The following SULF1 variants were observed in gnomAD, a reference collection of about 807,000 sequenced individuals.
The protein encoded by SULF1 is extracellular sulfatase Sulf-1.
In SULF1, 46 loss-of-function variants were observed where a neutral mutation model predicts 110.5. That is an observed-to-expected ratio of 0.42 (90% confidence interval 0.33 to 0.53). The LOEUF is 0.53. Ranked by LOEUF, SULF1 falls within the 20% of genes least tolerant of loss-of-function variation. The pLI, the probability that SULF1 is intolerant of heterozygous loss-of-function variation, is 0.12. For synonymous variants in SULF1, 371 were observed against 387.1 expected (o/e 0.96, Z 0.49); for missense variants, 941 against 1,094.2 (o/e 0.86, Z 1.98).
chr8:69,647,359 A>C (rs980339003), intron 22 of SULF1, among the ~76,000 whole-genome samples: 1 of 152,206 alleles, frequency 6.6e-6, no homozygotes, highest in South Asian at 2.1e-4. Flanking sequence ...ACCAATAAGT[A>C]GATATAATCA....
At chr8:69,584,821 A>G (rs1806329486) in intron 6 of SULF1, among the ~76,000 whole-genome samples, 1 of 152,222 alleles carries the variant, frequency 6.6e-6, no homozygotes, top group Admixed American at 6.5e-5. Context: ...TAGGTCAGGG[A>G]CCATCTGTAG....
At chr8:69,599,198 A>G (rs746454831) in intron 8 of SULF1, among the ~76,000 whole-genome samples, 1 of 152,176 alleles carries the variant, frequency 6.6e-6, no homozygotes, top group Non-Finnish European at 1.5e-5. Flanking sequence ...CCCTAGTTTT[A>G]TAATATAAAT....
intron 6 of SULF1, among the ~76,000 whole-genome samples, chr8:69,583,233 T>C (rs1334248246): frequency 1.3e-5 from 2 of 152,100 alleles, no homozygotes; most frequent in Non-Finnish European, 2.9e-5. Flanking sequence ...AGCTCTATTC[T>C]ATGAAAATGT....
chr8:69,616,242 C>T (rs144256608), intron 13 of SULF1, among the ~76,000 whole-genome samples: 3,037 of 145,548 alleles, frequency 0.021, 140 homozygotes, highest in African/African-American at 0.074. Flanking sequence ...TTTTTTGAGA[C>T]GGAGTCTTGC....
intron 3 of SULF1, among the ~76,000 whole-genome samples, chr8:69,506,528 T>G (rs534426340): frequency 6.6e-6 from 1 of 152,166 alleles, no homozygotes; most frequent in Non-Finnish European, 1.5e-5. Context: ...CAAACTCCAA[T>G]TGGATGAGAA....
intron 5 of SULF1, among the ~76,000 whole-genome samples, chr8:69,569,048 C>A (rs925326564): frequency 1.3e-5 from 2 of 152,124 alleles, no homozygotes; most frequent in Non-Finnish European, 2.9e-5. Flanking sequence ...GGCTCTAAAT[C>A]TTTCCCAAAT....
chr8:69,483,026 T>C (rs953344753), intron 1 of SULF1, among the ~76,000 whole-genome samples: 2 of 152,164 alleles, frequency 1.3e-5, no homozygotes, highest in East Asian at 1.9e-4. Flanking sequence ...TTACCTTACA[T>C]TGGGTATTAT....
chr8:69,538,182 A>G (rs1813575961), intron 3 of SULF1, among the ~76,000 whole-genome samples: 1 of 151,318 alleles, frequency 6.6e-6, no homozygotes, highest in African/African-American at 2.4e-5. Context: ...AGGATGTCAA[A>G]TACTTTTATA....
At chr8:69,488,801 A>G (rs1449016215), upstream of SULF1, among the ~76,000 whole-genome samples, 3 of 152,072 alleles carry the variant, frequency 2.0e-5, no homozygotes, top group African/African-American at 7.2e-5. Flanking sequence ...AGGATAACAC[A>G]TACCATGCAG....
At chr8:69,657,155 A>T (rs1393925879) in intron 22 of SULF1, among the ~76,000 whole-genome samples, 1 of 152,238 alleles carries the variant, frequency 6.6e-6, no homozygotes, top group South Asian at 2.1e-4. Flanking sequence ...AGTGTAACTA[A>T]GTATACTTCC....
rs151229690 is a variant in SULF1, at chr8:69,652,101, C to T, written c.2586-6404C>T. ...ATCTTCAAATCAGTCTCTCCCCCAA[C>T]CCCCACCTTCCTCTGTTTTCTGGGG... On this transcript the variant is annotated intron_variant, in intron 22 of 22. Transcript: ENST00000402687. 6.2e-3 allele frequency among the ~76,000 whole-genome samples: 942 copies of T among 152,190 alleles called. 6 individuals are homozygous for T. The highest frequency in any genetic ancestry group is 0.022 in the African/African-American group (906 of 41,524).
chr8:69,640,857 T>A lies in SULF1; in HGVS notation c.2585+16T>A, dbSNP rs147764566. 3.1e-3 allele frequency: 5,008 copies of A among 1,607,296 alleles called. 79 individuals carry two copies. In the Admixed American group the frequency reaches 0.034, roughly 11 times the overall value. The stretch of plus-strand genomic sequence containing the variant: ...ACCTACACAGGTATTCACACTTTTT[T>A]ATTCTTCTCAACAGCTTCTTCCCCA... On this transcript the variant is annotated intron_variant, in intron 22 of 22. Coordinates refer to ENST00000402687, the MANE Select transcript of SULF1 (RefSeq NM_001128205.2).
intron 7 of SULF1, among the ~76,000 whole-genome samples, chr8:69,587,319 C>T (rs1054118071): frequency 4.6e-5 from 7 of 152,182 alleles, no homozygotes; most frequent in Non-Finnish European, 1.0e-4. Context: ...CTCTATCTAG[C>T]AACCTCTCCC....
Position 69,638,739 on chromosome 8 carries a change from C to G in SULF1, c.2432C>G (p.Thr811Arg). The change falls in exon 21 of 23, where the codon ACA (threonine) becomes AGA (arginine). Residue 811 changes from threonine to arginine, a missense_variant. Coordinates refer to ENST00000402687, the MANE Select transcript of SULF1 (RefSeq NM_001128205.2). ...TTGTCCTGTCTGCATTCACAGCTCA[C>G]AAATACAGTGCACACGGTAGAACGA... ...FDMNTDPYQL[T>R]NTVHTVERGI... The G allele has an allele frequency of 6.2e-7, 1 of 1,613,956 alleles. No homozygotes were observed. The highest frequency in any genetic ancestry group is 8.5e-7 in the Non-Finnish European group (1 of 1,180,000).
At chr8:69,622,969 C>G (rs1809732803) in intron 14 of SULF1, among the ~76,000 whole-genome samples, 1 of 152,110 alleles carries the variant, frequency 6.6e-6, no homozygotes, top group Admixed American at 6.5e-5. Context: ...CCAGTATGCC[C>G]CACTTCTTTC....
chr8:69,480,402 T>C (rs1302177817), intron 1 of SULF1, among the ~76,000 whole-genome samples: 3 of 152,202 alleles, frequency 2.0e-5, no homozygotes, highest in Non-Finnish European at 4.4e-5. Context: ...CTTCAAATGA[T>C]TTCAAATATA....
At chr8:69,625,395 A>T (rs9650231) in intron 15 of SULF1, among the ~76,000 whole-genome samples, 1 of 152,200 alleles carries the variant, frequency 6.6e-6, no homozygotes, top group East Asian at 1.9e-4. Context: ...TATTGTGTCC[A>T]GAATTGGTGG....
intron 14 of SULF1, among the ~76,000 whole-genome samples, chr8:69,623,348 C>G (rs1321720224): frequency 1.3e-5 from 2 of 152,134 alleles, no homozygotes; most frequent in Non-Finnish European, 2.9e-5. Flanking sequence ...GCTCCATAAC[C>G]TTGCAAAATG....
At chr8:69,603,020 C>T (rs1462778251) in intron 10 of SULF1, among the ~76,000 whole-genome samples, 172 bp from the exon 11 acceptor site, 1 of 152,122 alleles carries the variant, frequency 6.6e-6, no homozygotes, top group African/African-American at 2.4e-5. Context: ...TGCTCAGTGC[C>T]ATTGCTGTGA....
Sources: allele counts gnomAD v4.1 joint callset (sites outside exome capture counted in the v4.1 genomes callset), GRCh38; gene constraint gnomAD v4.1.1; transcripts MANE v1.5; gene names NCBI Gene and HGNC (gene_info 2026-07-23, HGNC 2026-07-21).